Variants in PCDHA11 observed in about 807,000 individuals in gnomAD.
PCDHA11 encodes the protein protocadherin alpha 11, also known as protocadherin alpha-11.
In PCDHA11, 61 loss-of-function variants were observed where a neutral mutation model predicts 70.3. The ratio of observed to expected loss-of-function variants is 0.87; its 90% CI spans 0.71 to 1.07. The LOEUF is 1.07. Ranked by LOEUF, PCDHA11 falls within the 50% of genes least tolerant of loss-of-function variation. PCDHA11 has a pLI of 0.00. For synonymous variants in PCDHA11, 633 were observed against 555.1 expected, an observed-to-expected ratio of 1.14 and a Z score of -1.97; for missense variants, 1,324 against 1,237.5, an observed-to-expected ratio of 1.07 and a Z score of -1.05.
intron 2 of PCDHA11, among the ~76,000 whole-genome samples, 188 bp downstream of exon 2, chr5:140,979,195 T>C (rs1554240340): frequency 1.3e-5 from 2 of 152,232 alleles, no homozygotes; most frequent in African/African-American, 4.8e-5. Context: ...GCCAGATGCT[T>C]ATCAAGTGCT....
chr5:140,925,108 G>GGAAGGAAGGAAGGAA (rs1554202548), intron 1 of PCDHA11, among the ~76,000 whole-genome samples: 36 of 124,780 alleles, frequency 2.9e-4, no homozygotes, highest in African/African-American at 1.2e-3. Context: ...GAAGGAAGGA[G>GGAAGGAAGGAAGGAA]GGAAGGAAGG....
chr5:140,964,363 G>A (rs1050460842), intron 1 of PCDHA11, among the ~76,000 whole-genome samples: 1 of 152,188 alleles, frequency 6.6e-6, no homozygotes, highest in Non-Finnish European at 1.5e-5. Flanking sequence ...GATGACAAGA[G>A]TGCTGAAAGG....
At chr5:141,009,345 G>C (rs1409011729) in intron 3 of PCDHA11, among the ~76,000 whole-genome samples, 1 of 152,164 alleles carries the variant, frequency 6.6e-6, no homozygotes, top group African/African-American at 2.4e-5. Context: ...TGTAGTTCCA[G>C]CTACTTGGGA....
chr5:140,999,180 GAGA>G (rs1554256675), intron 3 of PCDHA11, among the ~76,000 whole-genome samples: 1 of 152,238 alleles, frequency 6.6e-6, no homozygotes, highest in East Asian at 1.9e-4. Context: ...GCCTGATGGG[GAGA>G]GGGTCCTTGG....
intron 1 of PCDHA11, chr5:140,875,830 G>A (rs782702520): frequency 4.6e-5 from 75 of 1,614,104 alleles, no homozygotes; most frequent in East Asian, 8.9e-5. Flanking sequence ...TTTCCATGTG[G>A]ACGTGGAGGT....
chr5:140,972,623 T>C (rs1554234256), intron 1 of PCDHA11, among the ~76,000 whole-genome samples: 1 of 151,938 alleles, frequency 6.6e-6, no homozygotes, highest in African/African-American at 2.4e-5. Context: ...TGAATGTTGT[T>C]GGCACTCCCT....
chr5:141,009,929 G>T lies in PCDHA11; in HGVS notation c.2842G>T (p.Asp948Tyr). Residue 948 changes from aspartate to tyrosine, a missense_variant, in exon 4 of 4, where the codon GAC becomes TAC. Transcript: ENST00000398640. Reference protein sequence around the residue: ...EKGNSTTDNSDQ With the variant: ...EKGNSTTDNSYQ ...AGGGAACAGCACGACTGACAACAGT[G>T]ACCAGTGAGGTCCTCAAATGGAAAC... 1 of 1,603,730 alleles carries T rather than the reference G, an allele frequency of 6.2e-7. No homozygotes were observed. The highest frequency in any genetic ancestry group is 1.1e-5 in the South Asian group (1 of 89,000).
chr5:140,985,878 T>A (rs891027308), intron 3 of PCDHA11, among the ~76,000 whole-genome samples: 1 of 151,822 alleles, frequency 6.6e-6, no homozygotes, highest in South Asian at 2.1e-4. Flanking sequence ...TAGCTGGGAC[T>A]ACAGGCGCCC....
At chr5:140,884,194 G>C in intron 1 of PCDHA11, 1 of 1,613,402 alleles carries the variant, frequency 6.2e-7, no homozygotes, top group Non-Finnish European at 8.5e-7. Flanking sequence ...AGGTGGACGC[G>C]CCGCACCACC....
chr5:140,906,252 C>T (rs1376694912), intron 1 of PCDHA11, among the ~76,000 whole-genome samples: 1 of 152,180 alleles, frequency 6.6e-6, no homozygotes, highest in Admixed American at 6.5e-5. Flanking sequence ...AACCCATACA[C>T]ACCTCCTGAA....
chr5:140,949,313 A>G (rs989940621), intron 1 of PCDHA11, among the ~76,000 whole-genome samples: 1 of 151,952 alleles, frequency 6.6e-6, no homozygotes, highest in Non-Finnish European at 1.5e-5. Context: ...GTAATGATTT[A>G]TAAATATAAA....
intron 1 of PCDHA11, among the ~76,000 whole-genome samples, chr5:140,972,609 A>G (rs1344399252): frequency 1.3e-5 from 2 of 151,526 alleles, no homozygotes; most frequent in Non-Finnish European, 2.9e-5. Flanking sequence ...TCTGAACTTG[A>G]TACTGAATGT....
At position 140,871,015 on chromosome 5, in the gene PCDHA11, G is replaced by T. The variant is rs1554164977; in HGVS notation, c.1912G>T (p.Glu638Ter). 2.5e-6 allele frequency: 4 copies of T among 1,613,124 alleles called. No homozygotes were observed. The highest frequency in any genetic ancestry group is 4.5e-5 in the East Asian group (2 of 44,880). ...GEISTTRALD[E>*]ADSPRHRLLV... The stretch of plus-strand genomic sequence containing the variant: ...GATAAGCACAACGCGTGCCCTGGAC[G>T]AGGCAGACTCGCCGCGCCACCGACT... The change falls in exon 1 of 4, where the codon GAG becomes TAG. Residue 638 changes from glutamate to a stop codon, truncating the protein, a stop_gained. Coordinates refer to ENST00000398640, the MANE Select transcript of PCDHA11 (RefSeq NM_018902.5). LOFTEE classifies it high-confidence loss of function.
Position 140,968,209 on chromosome 5 carries a change from C to A in PCDHA11, c.2392-10740C>A, listed in dbSNP as rs781795931. The A allele has an allele frequency of 2.5e-6, 4 of 1,613,884 alleles. No homozygotes were observed. In the African/African-American group the frequency reaches 4.0e-5, roughly 16 times the overall value. Reference sequence around the variant, plus strand: ...CCTATTCCATCTACATACAGGAGAACAATTTGCCAGGTGTGTTGCTCTGTA... The same window carrying A: ...CCTATTCCATCTACATACAGGAGAAAAATTTGCCAGGTGTGTTGCTCTGTA... On this transcript the variant is annotated intron_variant, in intron 1 of 3. Coordinates refer to ENST00000398640, the MANE Select transcript of PCDHA11 (RefSeq NM_018902.5).
At chr5:140,949,290 G>C (rs552572317) in intron 1 of PCDHA11, among the ~76,000 whole-genome samples, 5 of 151,900 alleles carry the variant, frequency 3.3e-5, no homozygotes, top group South Asian at 2.1e-4. Flanking sequence ...TGTATATTCT[G>C]TAATTGTTGG....
chr5:140,973,513 A>G (rs2096591492), intron 1 of PCDHA11, among the ~76,000 whole-genome samples: 1 of 151,864 alleles, frequency 6.6e-6, no homozygotes, highest in Non-Finnish European at 1.5e-5. Context: ...GAAAAAGTTT[A>G]TTTTCTTTGG....
chr5:140,895,841 C>T (rs1389575745), intron 1 of PCDHA11, among the ~76,000 whole-genome samples: 1 of 152,092 alleles, frequency 6.6e-6, no homozygotes, highest in Admixed American at 6.6e-5. Flanking sequence ...GACAAAGTCT[C>T]ACTCTTGTAC....
In PCDHA11 at chr5:140,883,629, C is replaced by T. The variant is rs1467301210; in HGVS notation, c.2391+12135C>T. ...GCCGACGTGAACGACAACGCGCCGGCGTTCGCGCAGCCCGAGTACACGGTG... is the reference window on the plus strand; with the variant it reads ...GCCGACGTGAACGACAACGCGCCGGTGTTCGCGCAGCCCGAGTACACGGTG... On this transcript the variant is annotated intron_variant, in intron 1 of 3. Transcript: ENST00000398640. 6.2e-7 allele frequency: 1 copy of T among 1,613,868 alleles called. No individual in the cohort carries two copies. Among genetic ancestry groups the T allele is most frequent in the African/African-American group, 1.3e-5 (1 of 74,936 alleles).
chr5:140,881,301 A>C (rs1432436745), intron 1 of PCDHA11: 2 of 957,940 alleles, frequency 2.1e-6, no homozygotes, highest in Admixed American at 1.2e-4. Context: ...TGGAAACTTT[A>C]ACCTCCTGGT....
Sources: allele counts gnomAD v4.1 joint callset (sites outside exome capture counted in the v4.1 genomes callset), GRCh38; gene constraint gnomAD v4.1.1; transcripts MANE v1.5; gene names NCBI Gene and HGNC (gene_info 2026-07-23, HGNC 2026-07-21).